Variants in ATP2B4 observed in about 807,000 individuals in gnomAD.
ATP2B4 encodes plasma membrane calcium-transporting ATPase 4.
In ATP2B4, 39 loss-of-function variants were observed where a neutral mutation model predicts 110.3. The observed-to-expected ratio is 0.35, with a 90% confidence interval of 0.27 to 0.46. The LOEUF is 0.46. Ranked by LOEUF, ATP2B4 falls within the 20% of genes least tolerant of loss-of-function variation. The pLI is 1.00. For synonymous variants in ATP2B4, 538 were observed against 571.7 expected (o/e 0.94, Z 0.84); for missense variants, 1,135 against 1,530.9 (o/e 0.74, Z 4.32).
At chr1:203,654,796 AG>A (rs1006554690) in intron 1 of ATP2B4, among the ~76,000 whole-genome samples, 3 of 150,646 alleles carry the variant, frequency 2.0e-5, no homozygotes, top group African/African-American at 7.3e-5. Context: ...CTGAAGTGAG[AG>A]GATCGTTTGG....
At chr1:203,661,226 T>C (rs1232575951) in intron 1 of ATP2B4, among the ~76,000 whole-genome samples, 2 of 152,152 alleles carry the variant, frequency 1.3e-5, no homozygotes, top group Non-Finnish European at 1.5e-5. Flanking sequence ...GAATGATCAC[T>C]GAGAAAGAGA....
chr1:203,688,502 A>G (rs748901202), intron 2 of ATP2B4, among the ~76,000 whole-genome samples: 1 of 151,278 alleles, frequency 6.6e-6, no homozygotes, highest in Non-Finnish European at 1.5e-5. Context: ...GGGTCTCTCC[A>G]TGTTGCCCAG....
At chr1:203,654,174 G>A (rs1396321736) in intron 1 of ATP2B4, among the ~76,000 whole-genome samples, 2 of 151,672 alleles carry the variant, frequency 1.3e-5, no homozygotes, top group Non-Finnish European at 2.9e-5. Context: ...AGTAAAGACA[G>A]GGTTGCATCA....
chr1:203,638,667 C>T (rs1378343814), intron 1 of ATP2B4, among the ~76,000 whole-genome samples: 8 of 151,900 alleles, frequency 5.3e-5, no homozygotes. Context: ...GACCTCGACC[C>T]CATCACTGCA....
At position 203,698,224 on chromosome 1, in the gene ATP2B4, C is replaced by T. The variant is rs200395561; in HGVS notation, c.261C>T (p.Pro87=). Residue 87 remains proline (P), a synonymous_variant, in exon 3 of 21, where the codon CCC becomes CCT. Transcript: ENST00000357681. ...RQVFGHNVIP[P]KKPKTFLELV... ...TGTTTGGACACAACGTGATCCCCCCCAAAAAGCCCAAGACTTTCTTAGAAT... is the reference window on the plus strand; with the variant it reads ...TGTTTGGACACAACGTGATCCCCCCTAAAAAGCCCAAGACTTTCTTAGAAT... 1.4e-5 allele frequency: 22 copies of T among 1,614,184 alleles called. No homozygotes were observed. In the East Asian group the frequency reaches 4.7e-4, roughly 34 times the overall value.
chr1:203,721,484 G>C, intron 17 of ATP2B4, 74 bp downstream of exon 17: 2 of 1,461,554 alleles, frequency 1.4e-6, no homozygotes, highest in Non-Finnish European at 1.9e-6. Flanking sequence ...GGTAGCGTGA[G>C]AGCAAGTGCA....
In ATP2B4 at chr1:203,641,485, A is replaced by C. The variant is rs557845113; in HGVS notation, c.-465+14266A>C. Among the ~76,000 whole-genome samples the C allele has an allele frequency of 2.0e-5, 3 of 152,310 alleles. No homozygotes were observed. In the East Asian group the frequency reaches 5.8e-4, roughly 29 times the overall value. On this transcript the variant is annotated intron_variant, in intron 1 of 20. Coordinates refer to ENST00000357681, the MANE Select transcript of ATP2B4 (RefSeq NM_001684.5). ...TTCACCACACCAGACTCTCTCTAGG[A>C]TATCTTAAAGATAATGCTCTGGTTG...
chr1:203,721,455 G>T lies in ATP2B4; in HGVS notation c.2812+45G>T. 1.9e-6 allele frequency: 3 copies of T among 1,580,942 alleles called. No homozygotes were observed. The South Asian group carries it at 3.3e-5, about 18-fold the overall frequency. On this transcript the variant is annotated intron_variant, in intron 17 of 20. Coordinates refer to ENST00000357681, the MANE Select transcript of ATP2B4 (RefSeq NM_001684.5). The stretch of plus-strand genomic sequence containing the variant: ...GGTAGCAGCTGGGGTCCTGGTTGGA[G>T]GTGGGGGCAGAGAAAGAAGGTAGCG...
intron 1 of ATP2B4, among the ~76,000 whole-genome samples, chr1:203,656,616 C>A (rs1329004540): frequency 2.6e-5 from 4 of 152,196 alleles, no homozygotes; most frequent in Admixed American, 2.6e-4. Flanking sequence ...GTAGAAGATA[C>A]TTCATTTAAA....
chr1:203,722,328 T>C (rs1016212797), intron 17 of ATP2B4, 150 bp from the exon 18 acceptor site: 4 of 681,120 alleles, frequency 5.9e-6, no homozygotes, highest in African/African-American at 5.4e-5. Flanking sequence ...AGTGAGACCC[T>C]GTGTCAAAAA....
At chr1:203,628,170 T>G (rs756886935) in intron 1 of ATP2B4, among the ~76,000 whole-genome samples, 17 of 152,222 alleles carry the variant, frequency 1.1e-4, no homozygotes, top group Non-Finnish European at 1.9e-4. Flanking sequence ...GCTGAAGAGC[T>G]AGGAATTAAG....
chr1:203,661,751 G>A (rs566458523), intron 1 of ATP2B4, among the ~76,000 whole-genome samples: 1 of 151,994 alleles, frequency 6.6e-6, no homozygotes, highest in African/African-American at 2.4e-5. Flanking sequence ...TGAGTTCTTT[G>A]ATGTTGTGCC....
rs4951273 is a variant in ATP2B4 at position 203,629,093 on chromosome 1, C to G, written c.-465+1874C>G. ...GAAGTAAAACACTTAGAGGAGAGCT[C>G]ATCTCGGGGCTGGGGATGCAACAGG... On this transcript the variant is annotated intron_variant, in intron 1 of 20. Transcript: ENST00000357681. This position sits in a 1 kb window ranked among gnomAD's most constrained non-coding sequence, Gnocchi z 4.6. Among the ~76,000 whole-genome samples, 34,276 of 151,856 alleles carry G rather than the reference C, an allele frequency of 0.23. 4,501 individuals are homozygous for G. Among genetic ancestry groups the G allele is most frequent in the East Asian group, 0.36 (1,865 of 5,128 alleles).
At chr1:203,708,782 G>C (rs1316584528) in intron 10 of ATP2B4, among the ~76,000 whole-genome samples, 1 of 152,184 alleles carries the variant, frequency 6.6e-6, no homozygotes, top group Non-Finnish European at 1.5e-5. Context: ...TTGAGCCTAA[G>C]AGGTCAAGTC....
rs549184787 is a variant in ATP2B4 at position 203,692,727 on chromosome 1, C to T, written c.194-5430C>T. Among the ~76,000 whole-genome samples the T allele has an allele frequency of 5.6e-4, 85 of 152,328 alleles. 1 individual carries two copies. In the Middle Eastern group the frequency reaches 0.014, roughly 24 times the overall value. ...TGATAAGTAGTGCCTCTGCCGATGT[C>T]GTTGGCCCTTCCCTGCTGGAGCTAA... On this transcript the variant is annotated intron_variant, in intron 2 of 20. Transcript: ENST00000357681.
chr1:203,679,560 G>A (rs538959506), intron 1 of ATP2B4, among the ~76,000 whole-genome samples: 19 of 152,180 alleles, frequency 1.2e-4, no homozygotes, highest in Non-Finnish European at 2.4e-4. Flanking sequence ...GAATCTCTCC[G>A]CTTTGGTACT....
chr1:203,641,473 ACTCT>A (rs1318572830), intron 1 of ATP2B4, among the ~76,000 whole-genome samples: 1 of 151,742 alleles, frequency 6.6e-6, no homozygotes, highest in African/African-American at 2.4e-5. Flanking sequence ...ACCACACCAG[ACTCT>A]CTCTAGGATA....
chr1:203,736,775 A>G (rs768898059), intron 20 of ATP2B4, among the ~76,000 whole-genome samples: 4 of 152,200 alleles, frequency 2.6e-5, no homozygotes, highest in African/African-American at 7.2e-5. Context: ...TGCACCAGGC[A>G]TCATGCTCCA....
intron 1 of ATP2B4, among the ~76,000 whole-genome samples, chr1:203,646,749 G>A (rs564812462): frequency 3.9e-5 from 6 of 152,106 alleles, no homozygotes; most frequent in Non-Finnish European, 7.4e-5. Context: ...GTGACAGAGC[G>A]AGACTCCATC....
Sources: allele counts gnomAD v4.1 joint callset (sites outside exome capture counted in the v4.1 genomes callset), GRCh38; gene constraint gnomAD v4.1.1; non-coding constraint Gnocchi (gnomAD v3.1); transcripts MANE v1.5; gene names NCBI Gene and HGNC (gene_info 2026-07-23, HGNC 2026-07-21).